Variants in SNX25 observed in about 807,000 individuals in gnomAD.
The protein encoded by SNX25 is sorting nexin-25.
SNX25 carries 62 observed loss-of-function variants against 113.7 expected under a neutral mutation model. The observed-to-expected ratio is 0.55, with a 90% CI of 0.44 to 0.67. SNX25 has a LOEUF of 0.67. Ranked by LOEUF, SNX25 falls within the 30% of genes least tolerant of loss-of-function variation. The probability of loss-of-function intolerance (pLI) is 0.00; values close to 1 mark genes in which losing one functional copy is unlikely to be tolerated. For missense variants in SNX25, 1,014 were observed against 1,161.0 expected, an observed-to-expected ratio of 0.87 and a Z score of 1.84; for synonymous variants, 421 against 436.2, an observed-to-expected ratio of 0.97 and a Z score of 0.43.
In SNX25 at chr4:185,210,282, G is replaced by A; in HGVS notation, c.429+27G>A. 2 of 984,704 alleles carry A rather than the reference G, an allele frequency of 2.0e-6. No homozygotes were observed. The highest frequency in any genetic ancestry group is 2.4e-6 in the Non-Finnish European group (2 of 829,770). 61.0% of individuals were successfully genotyped at this position (984,704 alleles called of 1,614,324 possible). A position where few individuals can be genotyped will look rare whatever the true frequency, so the allele number is the denominator to read the frequency against. On this transcript the variant is annotated intron_variant, in intron 1 of 18. Transcript: ENST00000652585. This position sits in a 1 kb window ranked among gnomAD's most constrained non-coding sequence, Gnocchi z 4.4. Reference sequence around the variant, plus strand: ...TAAGTACCCGACTCCTGGCCGCCCAGCTCCGCCGGCCCTCCCCGCTTCCGG... The same window carrying A: ...TAAGTACCCGACTCCTGGCCGCCCAACTCCGCCGGCCCTCCCCGCTTCCGG...
Position 185,267,540 on chromosome 4 carries a change from G to A in SNX25, c.1091+385G>A, listed in dbSNP as rs1188124475. 3.9e-5 allele frequency among the ~76,000 whole-genome samples: 6 copies of A among 151,924 alleles called. No individual in the cohort carries two copies. The East Asian group carries it at 5.8e-4, about 15-fold the overall frequency. On this transcript the variant is annotated intron_variant, in intron 5 of 18. Transcript: ENST00000652585. ...GAGGTCAGGAGTTCAAGACCAGCGC[G>A]GCCAACATGGTGAAACCGCATCTCT...
chr4:185,315,232 A>AG (rs1354890075), intron 7 of SNX25, among the ~76,000 whole-genome samples: 1 of 132,616 alleles, frequency 7.5e-6, no homozygotes, highest in Non-Finnish European at 1.7e-5. Context: ...CATCTCAAAA[A>AG]AAAAGAAAAG....
At chr4:185,342,250 T>A in intron 12 of SNX25, 134 bp downstream of exon 12, 1 of 1,083,506 alleles carries the variant, frequency 9.2e-7, no homozygotes, top group Non-Finnish European at 1.2e-6. Context: ...TCCTGACATT[T>A]GGAAATTTAC....
Position 185,236,556 on chromosome 4 carries a change from C to T in SNX25, c.430-10738C>T, listed in dbSNP as rs374244813. 1.0e-3 allele frequency among the ~76,000 whole-genome samples: 155 copies of T among 151,928 alleles called. 1 individual carries two copies. The highest frequency in any genetic ancestry group is 3.5e-3 in the African/African-American group (147 of 41,490). On this transcript the variant is annotated intron_variant, in intron 1 of 18. Transcript: ENST00000652585. ...TTTAAATAGAAAAAAAAGATGGAGA[C>T]AAACTAAATATAGAATAAGAGAATA...
At chr4:185,257,482 A>T (rs1277133298) in intron 2 of SNX25, among the ~76,000 whole-genome samples, 1 of 152,222 alleles carries the variant, frequency 6.6e-6, no homozygotes, top group Non-Finnish European at 1.5e-5. Context: ...AAAGAATAAA[A>T]TATAAACCAG....
intron 7 of SNX25, among the ~76,000 whole-genome samples, chr4:185,314,684 C>T (rs1165029189): frequency 6.7e-6 from 1 of 150,004 alleles, no homozygotes; most frequent in Admixed American, 6.7e-5. Context: ...TTGGTGACAC[C>T]CCATCTCTAC....
At chr4:185,271,803 G>A (rs1030086252) in intron 5 of SNX25, among the ~76,000 whole-genome samples, 1 of 152,232 alleles carries the variant, frequency 6.6e-6, no homozygotes, top group African/African-American at 2.4e-5. Context: ...ATTCAACTCT[G>A]TTAGGGCGGA....
chr4:185,367,729 G>A (rs549833811), downstream of SNX25, among the ~76,000 whole-genome samples: 18 of 152,146 alleles, frequency 1.2e-4, no homozygotes, highest in Non-Finnish European at 2.4e-4. Context: ...CCCATTCTAT[G>A]CAGTAATTGT....
chr4:185,362,497 A>G, intron 17 of SNX25, 114 bp from the exon 18 acceptor site: 1 of 1,186,382 alleles, frequency 8.4e-7, no homozygotes, highest in East Asian at 2.5e-5. Context: ...CATGTTTCTC[A>G]TGCCTCCATG....
chr4:185,315,209 C>G (rs2095062700), intron 7 of SNX25, among the ~76,000 whole-genome samples: 5 of 145,848 alleles, frequency 3.4e-5, no homozygotes, highest in Admixed American at 2.8e-4. Flanking sequence ...GCCTCAGAGA[C>G]AGAGCAAGAC....
intron 3 of SNX25, among the ~76,000 whole-genome samples, chr4:185,262,172 C>T (rs1747421580): frequency 1.3e-5 from 2 of 152,208 alleles, no homozygotes; most frequent in Admixed American, 1.3e-4. Flanking sequence ...AATAAAACAA[C>T]ACGTCCTTTA....
downstream of SNX25, among the ~76,000 whole-genome samples, chr4:185,371,540 TAAAA>T (rs11288148): frequency 3.8e-5 from 3 of 78,296 alleles, no homozygotes; most frequent in African/African-American, 4.8e-5. Context: ...AGACTCCGTC[TAAAA>T]AAAAAAAAAA....
At chr4:185,336,796 C>T (rs1333172187) in intron 10 of SNX25, among the ~76,000 whole-genome samples, 1 of 152,136 alleles carries the variant, frequency 6.6e-6, no homozygotes, top group East Asian at 1.9e-4. Flanking sequence ...AAAATGTTCC[C>T]TTTTTACCAC....
intron 6 of SNX25, among the ~76,000 whole-genome samples, chr4:185,292,561 G>C (rs1752332787): frequency 6.6e-6 from 1 of 152,094 alleles, no homozygotes; most frequent in South Asian, 2.1e-4. Context: ...ACCATACCCA[G>C]CTAATTTTTT....
chr4:185,370,559 A>C, downstream of SNX25: 3 of 1,425,200 alleles, frequency 2.1e-6, no homozygotes, highest in Non-Finnish European at 2.9e-6. Context: ...AAAAAACACT[A>C]ATCCGTAAAA....
intron 1 of SNX25, among the ~76,000 whole-genome samples, chr4:185,211,325 C>A (rs183368986): frequency 3.0e-4 from 45 of 152,272 alleles, no homozygotes; most frequent in African/African-American, 1.0e-3. Flanking sequence ...ATAAACAAGG[C>A]AGTATATTAA....
chr4:185,378,022 C>A, the SNX25 span: 2 of 1,337,130 alleles, frequency 1.5e-6, no homozygotes, highest in East Asian at 4.6e-5. Context: ...TTTGCTCTAG[C>A]ATGCAAAATG....
chr4:185,308,425 G>T (rs903009899), intron 6 of SNX25, among the ~76,000 whole-genome samples: 2 of 152,194 alleles, frequency 1.3e-5, no homozygotes, highest in African/African-American at 4.8e-5. Flanking sequence ...TGACCTGGGG[G>T]TCCCTAGTGA....
At chr4:185,352,282 C>G (rs1280283202) in intron 14 of SNX25, among the ~76,000 whole-genome samples, 1 of 152,224 alleles carries the variant, frequency 6.6e-6, no homozygotes, top group East Asian at 1.9e-4. Context: ...AGGACCAGCT[C>G]TGAAATGTGG....
Sources: allele counts gnomAD v4.1 joint callset (sites outside exome capture counted in the v4.1 genomes callset), GRCh38; gene constraint gnomAD v4.1.1; non-coding constraint Gnocchi (gnomAD v3.1); transcripts MANE v1.5; gene names NCBI Gene and HGNC (gene_info 2026-07-23, HGNC 2026-07-21).